EEA1: variants seen among roughly 807,000 people sequenced by gnomAD.
EEA1 encodes the protein early endosome antigen 1.
EEA1 carries 111 observed loss-of-function variants against 209.2 expected under a neutral mutation model. The ratio of observed to expected loss-of-function variants is 0.53; its 90% CI spans 0.45 to 0.62. The LOEUF (loss-of-function observed/expected upper bound fraction) is 0.62. Ranked by LOEUF, EEA1 falls within the 20% of genes least tolerant of loss-of-function variation. EEA1 has a pLI of 0.00. For synonymous variants in EEA1, 536 were observed against 540.6 expected, an observed-to-expected ratio of 0.99 and a Z score of 0.12; for missense variants, 1,343 against 1,530.8, an observed-to-expected ratio of 0.88 and a Z score of 2.05.
At chr12:92,850,689 C>CAAAAAAAAAA (rs11323932) in intron 9 of EEA1, among the ~76,000 whole-genome samples, 5 of 46,920 alleles carry the variant, frequency 1.1e-4, no homozygotes, top group East Asian at 5.9e-4. Context: ...GACTTTGTCT[C>CAAAAAAAAAA]AAAAAAAAAA....
intron 1 of EEA1, among the ~76,000 whole-genome samples, chr12:92,892,734 C>G (rs948872158): frequency 1.3e-5 from 2 of 151,752 alleles, no homozygotes; most frequent in African/African-American, 4.8e-5. Flanking sequence ...GCCACCATGT[C>G]CAGCTAATTT....
chr12:92,880,577 C>G (rs1265596656), intron 2 of EEA1, among the ~76,000 whole-genome samples: 1 of 152,160 alleles, frequency 6.6e-6, no homozygotes, highest in Non-Finnish European at 1.5e-5. Flanking sequence ...CAAGTTCTCA[C>G]CACTCTCCTG....
At chr12:92,800,738 AT>A (rs1234685039) in intron 20 of EEA1, among the ~76,000 whole-genome samples, 1 of 152,238 alleles carries the variant, frequency 6.6e-6, no homozygotes, top group African/African-American at 2.4e-5. Context: ...ACTCTATCAT[AT>A]AGAAACTAGA....
chr12:92,853,890 A>C (rs1235521761), intron 6 of EEA1, 25 bp downstream of exon 6: 1 of 1,587,384 alleles, frequency 6.3e-7, no homozygotes, highest in African/African-American at 1.4e-5. Flanking sequence ...AAAACTGACA[A>C]AATATCTGCT....
intron 2 of EEA1, among the ~76,000 whole-genome samples, chr12:92,873,780 G>A (rs1878755245): frequency 6.6e-6 from 1 of 152,120 alleles, no homozygotes; most frequent in African/African-American, 2.4e-5. Flanking sequence ...TGAATCTCAT[G>A]ACAATTAAAT....
At chr12:92,896,207 C>T (rs1354301715) in intron 1 of EEA1, among the ~76,000 whole-genome samples, 2 of 152,106 alleles carry the variant, frequency 1.3e-5, no homozygotes, top group African/African-American at 4.8e-5. Flanking sequence ...CTCTTCACCT[C>T]GTGATCCACC....
chr12:92,852,976 A>T lies in EEA1; in HGVS notation c.456T>A (p.Phe152Leu). The T allele has an allele frequency of 6.2e-7, 1 of 1,612,212 alleles. No homozygotes were observed. Among genetic ancestry groups the T allele is most frequent in the Non-Finnish European group, 8.5e-7 (1 of 1,179,214 alleles). Reference protein sequence around the residue: ...QQLEEAQTENFNIKQMKDLFE... With the variant: ...QQLEEAQTENLNIKQMKDLFE... The stretch of plus-strand genomic sequence containing the variant: ...ATAAGTCTTTCATTTGCTTAATATT[A>T]AAATTTTCTGTTTGGGCTTCTTCTA... Residue 152 changes from phenylalanine to leucine, a missense_variant, in exon 7 of 29, where the codon TTT (phenylalanine) becomes TTA (leucine). By Grantham distance (22) the Phe-to-Leu change is conservative (BLOSUM62 0). Transcript: ENST00000322349.
chr12:92,851,338 C>T, intron 8 of EEA1, 72 bp from the exon 9 acceptor site: 3 of 1,413,884 alleles, frequency 2.1e-6, no homozygotes, highest in Non-Finnish European at 2.9e-6. Flanking sequence ...AGAATCATTT[C>T]ACTACAAAGG....
intron 2 of EEA1, among the ~76,000 whole-genome samples, chr12:92,885,939 C>A (rs987626383): frequency 6.6e-5 from 10 of 151,930 alleles, no homozygotes; most frequent in Non-Finnish European, 1.3e-4. Flanking sequence ...TAGAAAAGTT[C>A]CAAGGAACAT....
intron 10 of EEA1, among the ~76,000 whole-genome samples, chr12:92,833,816 A>G (rs1876779228): frequency 6.6e-6 from 1 of 152,228 alleles, no homozygotes; most frequent in Admixed American, 6.5e-5. Context: ...AAAACCTTCT[A>G]AGAAAGTTAA....
At chr12:92,884,091 G>T (rs550879005) in intron 2 of EEA1, 8 of 1,236,172 alleles carry the variant, frequency 6.5e-6, no homozygotes, top group Non-Finnish European at 9.4e-6. Flanking sequence ...CTATGAAAAA[G>T]ATATTTGTTG....
chr12:92,913,289 T>G (rs1880644215), intron 1 of EEA1, among the ~76,000 whole-genome samples: 1 of 152,250 alleles, frequency 6.6e-6, no homozygotes, highest in Admixed American at 6.5e-5. Flanking sequence ...TTTGCATTTC[T>G]CTGATTAGCA....
At chr12:92,870,224 C>T (rs1468360950) in intron 2 of EEA1, among the ~76,000 whole-genome samples, 1 of 152,050 alleles carries the variant, frequency 6.6e-6, no homozygotes, top group Non-Finnish European at 1.5e-5. Context: ...TGTTAAGAAT[C>T]CTTTCTTATA....
chr12:92,928,909 A>G, intron 1 of EEA1, 134 bp downstream of exon 1: 2 of 706,372 alleles, frequency 2.8e-6, no homozygotes, highest in South Asian at 2.5e-5. Flanking sequence ...CGGGCGACCG[A>G]GGCCTAAGCG....
chr12:92,783,565 A>G (rs1873999543), intron 22 of EEA1, among the ~76,000 whole-genome samples: 1 of 152,206 alleles, frequency 6.6e-6, no homozygotes, highest in South Asian at 2.1e-4. Context: ...TCTCATCTAT[A>G]TCGTAGAAGT....
At position 92,798,931 on chromosome 12, in the gene EEA1, T is replaced by G. The variant is rs769681433; in HGVS notation, c.2928A>C (p.Glu976Asp). ...QSSEQKKKQI[E>D]ALQGELKIAV... ...CAATTTTAAGCTCTCCTTGGAGTGC[T>G]TCAATTTGTTTTTTCTTCTGTTCAC... Residue 976 changes from glutamate to aspartate, a missense_variant, in exon 21 of 29, where the codon GAA (glutamate) becomes GAC (aspartate). By Grantham distance (45) the Glu-to-Asp change is conservative. Around this residue, in one of 3 missense-constraint regions of EEA1, gnomAD observed 1,307 missense variants for 1,465.5 expected, o/e 0.89. Transcript: ENST00000322349. 6.2e-7 allele frequency: 1 copy of G among 1,611,110 alleles called. No homozygotes were observed. Among genetic ancestry groups the G allele is most frequent in the East Asian group, 2.2e-5 (1 of 44,736 alleles).
rs1873632230 is a variant in EEA1, at chr12:92,775,793, G to T, written c.*218C>A. 5.2e-6 allele frequency: 2 copies of T among 384,764 alleles called. No homozygotes were observed. The highest frequency in any genetic ancestry group is 2.1e-5 in the African/African-American group (1 of 48,078). 23.8% of individuals were successfully genotyped at this position (384,764 alleles called of 1,614,324 possible). ...ACTTGGCATGAAAGCTATTCCAGGG[G>T]CTAAATGGGAAAAAAGTAATGAAAG... On this transcript the variant is annotated 3_prime_UTR_variant, in exon 29 of 29. Transcript: ENST00000322349.
In EEA1 at chr12:92,775,849, G is replaced by A. The variant is rs1873634460; in HGVS notation, c.*162C>T. ...AAGCCCAAGTCTCACAAAAATAGAA[G>A]AGTTTTACTTGATATCCATAACATT... On this transcript the variant is annotated 3_prime_UTR_variant, in exon 29 of 29. Transcript: ENST00000322349. 6 of 584,966 alleles carry A rather than the reference G, an allele frequency of 1.0e-5. No individual in the cohort carries two copies. Among genetic ancestry groups the A allele is most frequent in the Middle Eastern group, 8.7e-4 (2 of 2,306 alleles). The allele number at this position is 584,966 out of a possible 1,614,324, so 36.2% of individuals were successfully genotyped here. A position where few individuals can be genotyped will look rare whatever the true frequency, so the allele number is the denominator to read the frequency against.
chr12:92,853,055 AC>A (rs1196373372), intron 6 of EEA1, 30 bp from the exon 7 acceptor site: 1 of 1,381,372 alleles, frequency 7.2e-7, no homozygotes, highest in Non-Finnish European at 1.0e-6. Context: ...TTATTCAAAT[AC>A]CATGTTAATT....
Sources: gnomAD v4.1 joint callset for allele counts (sites outside exome capture counted in the v4.1 genomes callset) on GRCh38, gnomAD v4.1.1 for gene constraint, gnomAD v4.1.1 regional missense constraint, MANE v1.5 for transcripts, NCBI Gene and HGNC (gene_info 2026-07-23, HGNC 2026-07-21) for gene names.